Variants in CAMK4 observed in about 807,000 individuals in gnomAD.
The protein encoded by CAMK4 is calcium/calmodulin-dependent protein kinase type IV.
Under a neutral mutation model 44.9 loss-of-function variants are expected in CAMK4, and 22 were observed. The ratio of observed to expected loss-of-function variants is 0.49; its 90% CI spans 0.35 to 0.70. The LOEUF is 0.70. CAMK4 is among the 30% of genes least tolerant of loss of function. The probability of loss-of-function intolerance (pLI) is 0.01; values close to 1 mark genes in which losing one functional copy is unlikely to be tolerated. For synonymous variants in CAMK4, 218 were observed against 215.4 expected (o/e 1.01, Z -0.11); for missense variants, 498 against 586.8 (o/e 0.85, Z 1.56).
intron 4 of CAMK4, among the ~76,000 whole-genome samples, chr5:111,381,891 A>G (rs1351703954): frequency 6.6e-6 from 1 of 151,312 alleles, no homozygotes; most frequent in Non-Finnish European, 1.5e-5. Context: ...TTGAGCAAGC[A>G]GGGTGAAAAG....
chr5:111,263,453 C>A (rs767544350), intron 1 of CAMK4, among the ~76,000 whole-genome samples: 1 of 152,114 alleles, frequency 6.6e-6, no homozygotes, highest in South Asian at 2.1e-4. Flanking sequence ...ACTTTTATTT[C>A]CAGATTTCTT....
intron 7 of CAMK4, among the ~76,000 whole-genome samples, chr5:111,460,471 C>T (rs1311099279): frequency 8.6e-5 from 13 of 151,818 alleles, no homozygotes; most frequent in South Asian, 2.1e-4. Context: ...GGGGTTTCAC[C>T]GTGTTGCCCA....
At chr5:111,342,937 G>T (rs561058566) in intron 1 of CAMK4, among the ~76,000 whole-genome samples, 1 of 151,230 alleles carries the variant, frequency 6.6e-6, no homozygotes, top group African/African-American at 2.4e-5. Context: ...TTTTACACAT[G>T]CTAGAAACAC....
intron 5 of CAMK4, among the ~76,000 whole-genome samples, chr5:111,400,474 A>T (rs1752182549): frequency 2.6e-5 from 4 of 152,214 alleles, no homozygotes. Context: ...ATAGAAGCAG[A>T]AAACTTAAAG....
At chr5:111,269,802 G>A (rs752236101) in intron 1 of CAMK4, among the ~76,000 whole-genome samples, 5 of 152,234 alleles carry the variant, frequency 3.3e-5, no homozygotes, top group Admixed American at 6.5e-5. Flanking sequence ...TCTGCTGTTT[G>A]GCATACAAGG....
chr5:111,352,542 T>A (rs1750152976), intron 2 of CAMK4, among the ~76,000 whole-genome samples: 1 of 151,846 alleles, frequency 6.6e-6, no homozygotes, highest in African/African-American at 2.4e-5. Flanking sequence ...AGCACAAATT[T>A]ACTGGTTCAG....
rs1755639246 is a variant in CAMK4, at chr5:111,486,618, AC to A, written c.*2153del. On this transcript the variant is annotated 3_prime_UTR_variant, in exon 11 of 11. Transcript: ENST00000282356. ...TGGCGCTTAGCTGAAAGATCAGAAC[AC>A]ATCATTCCTCCCTGCCCACCCCCAT... 1 of 152,104 alleles carries A rather than the reference AC, an allele frequency of 6.6e-6. No homozygotes were observed. The highest frequency in any genetic ancestry group is 2.4e-5 in the African/African-American group (1 of 41,374). 9.4% of individuals were successfully genotyped at this position (152,104 alleles called of 1,614,324 possible). A position where few individuals can be genotyped will look rare whatever the true frequency, so the allele number is the denominator to read the frequency against.
chr5:111,389,090 G>A (rs1016904718), intron 4 of CAMK4, among the ~76,000 whole-genome samples: 3 of 152,172 alleles, frequency 2.0e-5, no homozygotes, highest in Non-Finnish European at 4.4e-5. Flanking sequence ...CATGGTTCTG[G>A]AGGCTGGAAA....
chr5:111,364,586 C>T (rs368825576), intron 2 of CAMK4, among the ~76,000 whole-genome samples: 1 of 152,076 alleles, frequency 6.6e-6, no homozygotes. Context: ...TCTGAATCTA[C>T]GTGTCTTACA....
At position 111,484,557 on chromosome 5, in the gene CAMK4, A is replaced by G; in HGVS notation, c.*91A>G. On this transcript the variant is annotated 3_prime_UTR_variant, in exon 11 of 11. Transcript: ENST00000282356. This position sits in a 1 kb window ranked among gnomAD's most constrained non-coding sequence, Gnocchi z 5.3. The stretch of plus-strand genomic sequence containing the variant: ...GGTGTGGAAGCATGATATGTACTAT[A>G]GTGATTCTGTTTTTGAGGTGCAAAA... 1.2e-6 allele frequency: 1 copy of G among 818,750 alleles called. No homozygotes were observed. Among genetic ancestry groups the G allele is most frequent in the Non-Finnish European group, 1.8e-6 (1 of 567,378 alleles). 50.7% of individuals were successfully genotyped at this position (818,750 alleles called of 1,614,324 possible). A position where few individuals can be genotyped will look rare whatever the true frequency, so the allele number is the denominator to read the frequency against.
intron 1 of CAMK4, among the ~76,000 whole-genome samples, chr5:111,335,835 GTAT>G (rs1243847707): frequency 1.3e-5 from 2 of 151,266 alleles, no homozygotes; most frequent in Non-Finnish European, 3.0e-5. Flanking sequence ...TTTATACGTA[GTAT>G]TTCAGTTATA....
At chr5:111,376,986 G>C in intron 4 of CAMK4, 44 bp downstream of exon 4, 1 of 1,259,814 alleles carries the variant, frequency 7.9e-7, no homozygotes, top group South Asian at 1.3e-5. Flanking sequence ...GTTTGCTTTT[G>C]GCCACCAAAA....
chr5:111,350,308 A>G (rs867635933), intron 2 of CAMK4, among the ~76,000 whole-genome samples: 9 of 152,234 alleles, frequency 5.9e-5, no homozygotes, highest in Middle Eastern at 6.8e-3. Context: ...AGTTCATTCT[A>G]TATAATTTTA....
intron 1 of CAMK4, among the ~76,000 whole-genome samples, chr5:111,270,481 C>T (rs1002275090): frequency 6.6e-6 from 1 of 152,206 alleles, no homozygotes; most frequent in Non-Finnish European, 1.5e-5. Context: ...AGCTACACAC[C>T]TGATACTATT....
chr5:111,249,658 G>GTGTGTGTGTGTGTGTA (rs1554054676), intron 1 of CAMK4, among the ~76,000 whole-genome samples: 1 of 97,792 alleles, frequency 1.0e-5, no homozygotes, highest in Admixed American at 1.0e-4. Flanking sequence ...GTGTGTGTGT[G>GTGTGTGTGTGTGTGTA]TATATATATG....
chr5:111,406,194 T>TTCTCTCTCTCTCTCTCTCTCTCTC (rs10524853), intron 5 of CAMK4, among the ~76,000 whole-genome samples: 34 of 136,844 alleles, frequency 2.5e-4, no homozygotes, highest in African/African-American at 9.4e-4. Flanking sequence ...CTAATTTATT[T>TTCTCTCTCTCTCTCTCTCTCTCTC]TCTCTCTCTC....
At chr5:111,236,755 C>T (rs1046452367) in intron 1 of CAMK4, among the ~76,000 whole-genome samples, 1 of 152,206 alleles carries the variant, frequency 6.6e-6, no homozygotes, top group Non-Finnish European at 1.5e-5. Context: ...TATGGTCTTA[C>T]AGGTGAATGC....
chr5:111,439,414 T>C (rs1753751911), intron 5 of CAMK4, among the ~76,000 whole-genome samples: 1 of 151,918 alleles, frequency 6.6e-6, no homozygotes, highest in Non-Finnish European at 1.5e-5. Context: ...CACAAGCCAC[T>C]AAGGAGGGAG....
At chr5:111,398,708 G>T (rs1410841404) in intron 5 of CAMK4, among the ~76,000 whole-genome samples, 1 of 152,172 alleles carries the variant, frequency 6.6e-6, no homozygotes, top group Non-Finnish European at 1.5e-5. Context: ...TTCAGTAGGT[G>T]TATATTCCTG....
Sources: gnomAD v4.1 joint callset for allele counts (sites outside exome capture counted in the v4.1 genomes callset) on GRCh38, gnomAD v4.1.1 for gene constraint, Gnocchi (gnomAD v3.1) non-coding constraint, MANE v1.5 for transcripts, NCBI Gene and HGNC (gene_info 2026-07-23, HGNC 2026-07-21) for gene names.